ANK2: variants seen among roughly 807,000 people sequenced by gnomAD.
The protein encoded by ANK2 is ankyrin-2.
Under a neutral mutation model 360.5 loss-of-function variants are expected in ANK2, and 83 were observed. The observed-to-expected ratio is 0.23, with a 90% confidence interval of 0.19 to 0.28. The LOEUF (loss-of-function observed/expected upper bound fraction) is 0.28, where lower values mean the gene tolerates loss of function less well. Ranked by LOEUF, ANK2 falls within the 10% of genes least tolerant of loss-of-function variation. The pLI, the probability that ANK2 is intolerant of heterozygous loss-of-function variation, is 1.00. For missense variants in ANK2, 4,201 were observed against 4,795.7 expected (o/e 0.88, Z 3.66); for synonymous variants, 1,740 against 1,759.5 (o/e 0.99, Z 0.28).
At chr4:112,815,298 G>A (rs1223150976), upstream of ANK2, among the ~76,000 whole-genome samples, 1 of 152,136 alleles carries the variant, frequency 6.6e-6, no homozygotes, top group African/African-American at 2.4e-5. Flanking sequence ...TAAACCCATC[G>A]AATATCATGC....
chr4:112,781,827 ATTTTTTT>A, the ANK2 span, among the ~76,000 whole-genome samples: 10 of 124,756 alleles, frequency 8.0e-5, no homozygotes, highest in Admixed American at 7.9e-4. Context: ...TGATAACAGT[ATTTTTTT>A]TTTTTTTTTT....
intron 2 of ANK2, among the ~76,000 whole-genome samples, chr4:112,951,061 G>A (rs1040188237): frequency 1.7e-5 from 2 of 117,816 alleles, no homozygotes; most frequent in South Asian, 3.0e-4. Flanking sequence ...CAGCCTGGGC[G>A]ACAGAGCGAG....
At chr4:113,187,858 T>C (rs894068027) in intron 2 of ANK2, among the ~76,000 whole-genome samples, 1 of 152,196 alleles carries the variant, frequency 6.6e-6, no homozygotes, top group African/African-American at 2.4e-5. Flanking sequence ...ACTTAAATCA[T>C]TCTGAATCTC....
intron 1 of ANK2, among the ~76,000 whole-genome samples, chr4:112,879,629 A>G (rs1465781864): frequency 6.6e-6 from 1 of 152,228 alleles, no homozygotes; most frequent in Non-Finnish European, 1.5e-5. Context: ...GTAATAGATA[A>G]CTAATGCAGA....
intron 1 of ANK2, among the ~76,000 whole-genome samples, chr4:113,112,253 A>T (rs915940665): frequency 6.6e-6 from 1 of 152,170 alleles, no homozygotes; most frequent in African/African-American, 2.4e-5. Context: ...CACACAAAAT[A>T]CATTTGTTTA....
intron 29 of ANK2, among the ~76,000 whole-genome samples, chr4:113,335,506 C>A (rs28403256): frequency 6.6e-6 from 1 of 152,184 alleles, no homozygotes; most frequent in Non-Finnish European, 1.5e-5. Flanking sequence ...GAATAGAACA[C>A]GTTCATTTCA....
At chr4:112,736,384 G>C in the ANK2 span, among the ~76,000 whole-genome samples, 12 of 150,888 alleles carry the variant, frequency 8.0e-5, no homozygotes, top group African/African-American at 2.7e-4. Flanking sequence ...AGAATTGCTT[G>C]AACCTGGGAG....
At chr4:113,222,902 A>G (rs1328020965) in intron 4 of ANK2, among the ~76,000 whole-genome samples, 2 of 152,244 alleles carry the variant, frequency 1.3e-5, no homozygotes, top group African/African-American at 4.8e-5. Context: ...GAGAAAATGT[A>G]TATGATACTT....
In ANK2 at chr4:113,214,196, C is replaced by T. The variant is rs1387224545; in HGVS notation, c.384+15087C>T. ...CACAGTAATGTAGCTTCACATACAG[C>T]TTGGGAAGCACATAGGCATCGAAGA... On this transcript the variant is annotated intron_variant, in intron 4 of 45. Coordinates refer to ENST00000357077, the MANE Select transcript of ANK2 (RefSeq NM_001148.6). 2 of 804,104 alleles carry T rather than the reference C, an allele frequency of 2.5e-6. 1 individual carries two copies. Among genetic ancestry groups the T allele is most frequent in the Non-Finnish European group, 4.2e-6 (2 of 471,730 alleles). 49.8% of individuals were successfully genotyped at this position (804,104 alleles called of 1,614,324 possible).
intron 2 of ANK2, among the ~76,000 whole-genome samples, chr4:112,993,783 T>G (rs2047656118): frequency 6.6e-6 from 1 of 152,036 alleles, no homozygotes; most frequent in Admixed American, 6.6e-5. Flanking sequence ...CTTGGCTCAC[T>G]GCAACCTCCG....
At chr4:112,850,423 G>T (rs72908862) in intron 1 of ANK2, among the ~76,000 whole-genome samples, 3,330 of 114,816 alleles carry the variant, frequency 0.029, 108 homozygotes, top group African/African-American at 0.08. Context: ...CAAGTACAGG[G>T]TTTAAGAGTT....
At chr4:113,167,054 A>G (rs1439116647) in intron 1 of ANK2, among the ~76,000 whole-genome samples, 1 of 152,204 alleles carries the variant, frequency 6.6e-6, no homozygotes, top group Non-Finnish European at 1.5e-5. Flanking sequence ...CTTAGACTGT[A>G]CCATAAATAT....
chr4:113,322,053 A>C (rs2086601280), intron 26 of ANK2, among the ~76,000 whole-genome samples: 1 of 152,158 alleles, frequency 6.6e-6, no homozygotes, highest in Admixed American at 6.5e-5. Flanking sequence ...ATTTTGATAG[A>C]GGTGATAATA....
intron 2 of ANK2, among the ~76,000 whole-genome samples, chr4:112,912,609 G>C (rs1289682699): frequency 6.6e-6 from 1 of 151,944 alleles, no homozygotes; most frequent in Non-Finnish European, 1.5e-5. Flanking sequence ...AATTATGAGA[G>C]CTTAATAGAG....
chr4:112,832,322 T>A (rs1299507737), intron 1 of ANK2, among the ~76,000 whole-genome samples: 1 of 152,174 alleles, frequency 6.6e-6, no homozygotes, highest in Non-Finnish European at 1.5e-5. Context: ...CAAAGTGCTG[T>A]CATTACAGGC....
At chr4:113,170,784 A>C (rs941132726) in intron 1 of ANK2, among the ~76,000 whole-genome samples, 1 of 152,154 alleles carries the variant, frequency 6.6e-6, no homozygotes, top group Non-Finnish European at 1.5e-5. Context: ...CAACATACAG[A>C]ACTGTGTCAA....
intron 35 of ANK2, chr4:113,348,074 T>C (rs1300307132): frequency 5.0e-6 from 3 of 596,018 alleles, no homozygotes; most frequent in Non-Finnish European, 9.0e-6. Context: ...CTCTTGAATC[T>C]ATAAACTTTG....
At chr4:113,145,071 A>G (rs1187309141) in intron 1 of ANK2, among the ~76,000 whole-genome samples, 1 of 152,146 alleles carries the variant, frequency 6.6e-6, no homozygotes, top group African/African-American at 2.4e-5. Context: ...AACATTTTCA[A>G]AATACTAAAA....
chr4:113,353,603 C>T lies in ANK2; in HGVS notation c.4985C>T (p.Ala1662Val). The change falls in exon 38 of 46, where the codon GCA (alanine) becomes GTA (valine). Residue 1662 changes from alanine to valine, a missense_variant. Ala to Val is a moderately conservative substitution (Grantham distance 64, BLOSUM62 0). Coordinates refer to ENST00000357077, the MANE Select transcript of ANK2 (RefSeq NM_001148.6). ...KEQLQTVQDK[A>V]GKKCEALAVG... Reference sequence around the variant, plus strand: ...CAGCTGCAGACAGTTCAAGATAAGGCAGGGAAGAAATGTGAGGCTCTGGCT... The same window carrying T: ...CAGCTGCAGACAGTTCAAGATAAGGTAGGGAAGAAATGTGAGGCTCTGGCT... The T allele has an allele frequency of 6.2e-7, 1 of 1,613,928 alleles. No homozygotes were observed. The highest frequency in any genetic ancestry group is 1.1e-5 in the South Asian group (1 of 91,068).
Sources: allele counts gnomAD v4.1 joint callset (sites outside exome capture counted in the v4.1 genomes callset), GRCh38; gene constraint gnomAD v4.1.1; transcripts MANE v1.5; gene names NCBI Gene and HGNC (gene_info 2026-07-23, HGNC 2026-07-21).